The following MYEF2 variants were observed in gnomAD, a reference collection of about 807,000 sequenced individuals.
MYEF2 encodes myelin gene expression factor 2.
MYEF2 carries 37 observed loss-of-function variants against 75.2 expected under a neutral mutation model. The ratio of observed to expected loss-of-function variants is 0.49; its 90% CI spans 0.38 to 0.65. MYEF2 has a LOEUF of 0.65. MYEF2 is among the 30% of genes least tolerant of loss of function. The pLI, the probability that MYEF2 is intolerant of heterozygous loss-of-function variation, is 0.00. For missense variants in MYEF2, 634 were observed against 771.4 expected, an observed-to-expected ratio of 0.82 and a Z score of 2.11; for synonymous variants, 195 against 241.6, an observed-to-expected ratio of 0.81 and a Z score of 1.79.
intron 6 of MYEF2, 148 bp downstream of exon 6, chr15:48,159,465 C>T (rs573178665): frequency 1.4e-5 from 9 of 655,574 alleles, no homozygotes; most frequent in South Asian, 3.9e-5. Context: ...TATGTATATA[C>T]GTCAATTGAT....
chr15:48,175,744 T>C (rs1220401061), intron 1 of MYEF2, among the ~76,000 whole-genome samples: 1 of 152,168 alleles, frequency 6.6e-6, no homozygotes, highest in East Asian at 1.9e-4. Flanking sequence ...AAAGTTATAC[T>C]TAATTACACA....
Position 48,166,022 on chromosome 15 carries a change from C to T in MYEF2, c.436G>A (p.Val146Ile), listed in dbSNP as rs989540152. The T allele has an allele frequency of 6.3e-7, 1 of 1,590,822 alleles. No individual in the cohort carries two copies. Among genetic ancestry groups the T allele is most frequent in the African/African-American group, 1.4e-5 (1 of 73,630 alleles). ...AEGKSRGCGV[V>I]EFKDEEFVKK... ...ACAAATTCTTCATCTTTGAATTCAACCACACTTAATAGGGAAAAAATTTAT... is the reference window on the plus strand; with the variant it reads ...ACAAATTCTTCATCTTTGAATTCAATCACACTTAATAGGGAAAAAATTTAT... The change falls in exon 5 of 17, where the codon GTT becomes ATT. Residue 146 changes from valine to isoleucine, a missense_variant. Coordinates refer to ENST00000324324, the MANE Select transcript of MYEF2 (RefSeq NM_016132.5).
At chr15:48,153,992 G>T (rs2140856422) in intron 9 of MYEF2, 99 bp from the exon 10 acceptor site, 1 of 904,936 alleles carries the variant, frequency 1.1e-6, no homozygotes, top group Non-Finnish European at 1.6e-6. Flanking sequence ...AGTAGTATCT[G>T]TAAAATTTCT....
At position 48,168,646 on chromosome 15, in the gene MYEF2, G is replaced by T. The variant is rs1390725698; in HGVS notation, c.355C>A (p.Leu119Ile). The T allele has an allele frequency of 5.0e-6, 8 of 1,612,784 alleles. No homozygotes were observed. The East Asian group carries it at 1.6e-4, about 31-fold the overall frequency. Residue 119 changes from leucine (L) to isoleucine (I), a missense_variant, in exon 2 of 17, where the codon CTA becomes ATA. By Grantham distance (5) the Leu-to-Ile change is conservative. Coordinates refer to ENST00000324324, the MANE Select transcript of MYEF2 (RefSeq NM_016132.5). ...YDMKWQAIKD[L>I]MREKVGEVTY... ...AGATAGTTACCTTTCTCTCTCATTAGATCTTTAATAGCTTGCCATTTCATG... is the reference window on the plus strand; with the variant it reads ...AGATAGTTACCTTTCTCTCTCATTATATCTTTAATAGCTTGCCATTTCATG...
At chr15:48,174,307 A>G (rs1479089448) in intron 1 of MYEF2, among the ~76,000 whole-genome samples, 6 of 152,106 alleles carry the variant, frequency 3.9e-5, no homozygotes, top group Non-Finnish European at 8.8e-5. Context: ...ATGAAAATGG[A>G]TTAAAAACTT....
intron 5 of MYEF2, 120 bp from the exon 6 acceptor site, chr15:48,159,924 A>G (rs1402041059): frequency 9.9e-7 from 1 of 1,013,156 alleles, no homozygotes; most frequent in Non-Finnish European, 1.4e-6. Flanking sequence ...ACCCTCTTGA[A>G]GAGTGAGCTT....
chr15:48,171,349 T>A (rs2040334971), intron 1 of MYEF2, among the ~76,000 whole-genome samples: 1 of 152,180 alleles, frequency 6.6e-6, no homozygotes, highest in Non-Finnish European at 1.5e-5. Context: ...TACACAAAGT[T>A]CTGAAGTACT....
At chr15:48,145,633 G>T (rs1304076739) in intron 16 of MYEF2, among the ~76,000 whole-genome samples, 1 of 151,868 alleles carries the variant, frequency 6.6e-6, no homozygotes, top group Non-Finnish European at 1.5e-5. Flanking sequence ...ATCTTGTGGG[G>T]TATATTTTGG....
At position 48,136,953 on chromosome 15, in the gene MYEF2, G is replaced by C. The variant is rs373109494; in HGVS notation, c.*5955C>G. 9 of 1,604,888 alleles carry C rather than the reference G, an allele frequency of 5.6e-6. No homozygotes were observed. Among genetic ancestry groups the C allele is most frequent in the Non-Finnish European group, 7.7e-6 (9 of 1,173,680 alleles). ...CTATAAGTTTACATGGCCTTAGTCA[G>C]GTTTCTGAAGGTAATCACTAAATCT... On this transcript the variant is annotated 3_prime_UTR_variant, in exon 17 of 17. Transcript: ENST00000324324.
chr15:48,167,334 G>C lies in MYEF2; in HGVS notation c.423+15C>G, dbSNP rs781419847. On this transcript the variant is annotated intron_variant, in intron 3 of 16. Coordinates refer to ENST00000324324, the MANE Select transcript of MYEF2 (RefSeq NM_016132.5). ...ACTTTTAAACCTCAAGCAGATTATTGCCCACAGCACTTACCCTTGATTTTC... is the reference window on the plus strand; with the variant it reads ...ACTTTTAAACCTCAAGCAGATTATTCCCCACAGCACTTACCCTTGATTTTC... The C allele has an allele frequency of 1.2e-6, 2 of 1,612,112 alleles. No homozygotes were observed. Among genetic ancestry groups the C allele is most frequent in the African/African-American group, 1.3e-5 (1 of 74,856 alleles).
At chr15:48,176,380 G>A (rs1781093638) in intron 1 of MYEF2, among the ~76,000 whole-genome samples, 3 of 152,202 alleles carry the variant, frequency 2.0e-5, no homozygotes, top group Admixed American at 6.5e-5. Flanking sequence ...AAAGGGAGAG[G>A]CGAATTATAA....
intron 3 of MYEF2, among the ~76,000 whole-genome samples, chr15:48,166,459 T>C (rs1018446933): frequency 4.0e-4 from 61 of 151,980 alleles, no homozygotes; most frequent in African/African-American, 1.4e-3. Flanking sequence ...AAGGCTCCAA[T>C]AGACCTATCC....
chr15:48,164,635 T>TCAA (rs2040070360), intron 5 of MYEF2, among the ~76,000 whole-genome samples: 1 of 152,144 alleles, frequency 6.6e-6, no homozygotes, highest in South Asian at 2.1e-4. Context: ...AAAGGAAGAC[T>TCAA]CAACTGATAC....
chr15:48,145,429 A>T (rs2039245856), intron 16 of MYEF2, among the ~76,000 whole-genome samples: 1 of 151,904 alleles, frequency 6.6e-6, no homozygotes, highest in Non-Finnish European at 1.5e-5. Context: ...TTAAATATCT[A>T]ATAATCTTGT....
Position 48,141,201 on chromosome 15 carries a change from G to C in MYEF2, c.*1707C>G. ...TACCAGACACAATTGCAAGTGTGTTGGTTGCAAGAAAAGGTAAGAACTAGG... is the reference window on the plus strand; with the variant it reads ...TACCAGACACAATTGCAAGTGTGTTCGTTGCAAGAAAAGGTAAGAACTAGG... On this transcript the variant is annotated 3_prime_UTR_variant, in exon 17 of 17. Transcript: ENST00000324324. The C allele has an allele frequency of 3.7e-6, 6 of 1,612,786 alleles. No homozygotes were observed. The highest frequency in any genetic ancestry group is 5.1e-6 in the Non-Finnish European group (6 of 1,178,892).
At chr15:48,151,046 T>A in intron 14 of MYEF2, 54 bp downstream of exon 14, 11 of 1,254,398 alleles carry the variant, frequency 8.8e-6, no homozygotes, top group Non-Finnish European at 1.3e-5. Flanking sequence ...TCTTGCAAAG[T>A]CTTTGCAAGC....
At chr15:48,152,168 A>C in intron 11 of MYEF2, 66 bp downstream of exon 11, 1 of 1,439,772 alleles carries the variant, frequency 6.9e-7, no homozygotes, top group Non-Finnish European at 9.7e-7. Flanking sequence ...TGGAATTCTC[A>C]ACACAGTTTC....
Position 48,138,986 on chromosome 15 carries a change from A to G in MYEF2, c.*3922T>C. The G allele has an allele frequency of 1.2e-6, 2 of 1,612,416 alleles. No homozygotes were observed. Among genetic ancestry groups the G allele is most frequent in the Non-Finnish European group, 1.7e-6 (2 of 1,179,020 alleles). ...CACAACAGATCCACCAAGTGTTTTC[A>G]ACATGCCTGAAGCAGACTTAAAAAG... is the stretch of plus-strand genomic sequence containing the variant. On this transcript the variant is annotated 3_prime_UTR_variant, in exon 17 of 17. Transcript: ENST00000324324.
At chr15:48,159,843 T>G in intron 5 of MYEF2, 39 bp from the exon 6 acceptor site, 4 of 1,543,526 alleles carry the variant, frequency 2.6e-6, no homozygotes, top group Non-Finnish European at 3.5e-6. Flanking sequence ...ACTAAATACA[T>G]CACTAATTCT....
Sources: allele counts gnomAD v4.1 joint callset (sites outside exome capture counted in the v4.1 genomes callset), GRCh38; gene constraint gnomAD v4.1.1; transcripts MANE v1.5; gene names NCBI Gene and HGNC (gene_info 2026-07-23, HGNC 2026-07-21).